The following CNTN5 variants were observed in gnomAD, a reference collection of about 807,000 sequenced individuals.
The protein encoded by CNTN5 is contactin 5.
In CNTN5, 77 loss-of-function variants were observed where a neutral mutation model predicts 129.1. That is an observed-to-expected ratio of 0.60 (90% CI 0.50 to 0.72). CNTN5 has a LOEUF of 0.72. Ranked by LOEUF, CNTN5 falls within the 30% of genes least tolerant of loss-of-function variation. The pLI, the probability that CNTN5 is intolerant of heterozygous loss-of-function variation, is 0.00. For synonymous variants in CNTN5, 509 were observed against 465.6 expected (o/e 1.09, Z -1.20); for missense variants, 1,478 against 1,328.8 (o/e 1.11, Z -1.75).
intron 9 of CNTN5, among the ~76,000 whole-genome samples, chr11:100,021,806 T>C (rs1941166589): frequency 6.6e-6 from 1 of 152,136 alleles, no homozygotes; most frequent in African/African-American, 2.4e-5. Context: ...AAGCTGACAG[T>C]GCAGCCTTTA....
At chr11:100,337,988 T>C (rs1164916071) in intron 21 of CNTN5, among the ~76,000 whole-genome samples, 1 of 152,232 alleles carries the variant, frequency 6.6e-6, no homozygotes, top group Non-Finnish European at 1.5e-5. Context: ...TCGTGAAACC[T>C]TGCCCCTTCT....
At chr11:100,016,642 C>G (rs572469996) in intron 9 of CNTN5, among the ~76,000 whole-genome samples, 7 of 151,646 alleles carry the variant, frequency 4.6e-5, no homozygotes, top group Admixed American at 1.3e-4. Context: ...ATGGTAGAGC[C>G]GTATGTACAT....
intron 2 of CNTN5, among the ~76,000 whole-genome samples, chr11:99,352,556 CT>C (rs1308228537): frequency 1.3e-5 from 2 of 152,170 alleles, no homozygotes; most frequent in Non-Finnish European, 1.5e-5. Flanking sequence ...TTTGGAGCCC[CT>C]ATTCCTAAAG....
intron 9 of CNTN5, among the ~76,000 whole-genome samples, chr11:100,007,606 C>T (rs1351680688): frequency 6.6e-6 from 1 of 152,076 alleles, no homozygotes; most frequent in Admixed American, 6.6e-5. Context: ...CCTCTGTCAG[C>T]CTTCATAGAA....
intron 15 of CNTN5, among the ~76,000 whole-genome samples, chr11:100,199,608 C>A (rs1291287628): frequency 1.3e-5 from 2 of 151,840 alleles, no homozygotes; most frequent in African/African-American, 4.8e-5. Flanking sequence ...AAAAGTGCAC[C>A]ATATTCATTC....
chr11:99,768,126 T>G (rs2135317933), intron 3 of CNTN5, among the ~76,000 whole-genome samples: 1 of 152,220 alleles, frequency 6.6e-6, no homozygotes, highest in South Asian at 2.1e-4. Context: ...ATCTACCATC[T>G]GTCCTTGTAG....
At chr11:100,214,466 T>C (rs1464264221) in intron 15 of CNTN5, among the ~76,000 whole-genome samples, 1 of 152,204 alleles carries the variant, frequency 6.6e-6, no homozygotes, top group Non-Finnish European at 1.5e-5. Context: ...ATCAGTCTTC[T>C]TCCTGAAAAT....
intron 7 of CNTN5, among the ~76,000 whole-genome samples, chr11:99,943,043 A>G (rs1039166854): frequency 3.9e-5 from 6 of 152,150 alleles, no homozygotes; most frequent in African/African-American, 1.4e-4. Context: ...AGAATGATTT[A>G]TAAATCCAGT....
Position 99,956,798 on chromosome 11 carries a change from A to C in CNTN5, c.674-8A>C, listed in dbSNP as rs1950814000. ...GTCTTTCGTTGACCAAATTTTGTGT[A>C]TTTTCAGAGATCATCTATAGCTGGG... On this transcript the variant is annotated splice_polypyrimidine_tract_variant and splice_region_variant and intron_variant, in intron 7 of 24. Coordinates refer to ENST00000524871, the MANE Select transcript of CNTN5 (RefSeq NM_014361.4). The C allele has an allele frequency of 1.2e-6, 2 of 1,611,478 alleles. No individual in the cohort carries two copies. Among genetic ancestry groups the C allele is most frequent in the Non-Finnish European group, 8.5e-7 (1 of 1,178,484 alleles).
chr11:100,249,568 T>C (rs1289675374), intron 16 of CNTN5, among the ~76,000 whole-genome samples: 1 of 152,224 alleles, frequency 6.6e-6, no homozygotes, highest in African/African-American at 2.4e-5. Flanking sequence ...CACTGAATCA[T>C]TATAACCAAG....
chr11:100,259,156 A>G (rs1950143463), intron 17 of CNTN5, among the ~76,000 whole-genome samples: 1 of 152,208 alleles, frequency 6.6e-6, no homozygotes, highest in African/African-American at 2.4e-5. Context: ...CTAGTCTCTG[A>G]TAAGACAGAC....
chr11:99,608,060 C>G (rs1283449640), intron 3 of CNTN5, among the ~76,000 whole-genome samples: 1 of 141,562 alleles, frequency 7.1e-6, no homozygotes, highest in African/African-American at 2.7e-5. Context: ...TGTAACTAAC[C>G]TGCACAATGT....
intron 16 of CNTN5, among the ~76,000 whole-genome samples, chr11:100,255,256 C>T (rs1430459203): frequency 6.6e-6 from 1 of 152,188 alleles, no homozygotes; most frequent in Non-Finnish European, 1.5e-5. Flanking sequence ...TGCACCTCCC[C>T]TGTTAGAGTC....
chr11:99,092,941 C>G (rs1325850917), intron 1 of CNTN5, among the ~76,000 whole-genome samples: 2 of 151,950 alleles, frequency 1.3e-5, no homozygotes, highest in Non-Finnish European at 1.5e-5. Context: ...GTTTAAGAAA[C>G]TAAATGCCAA....
rs1190699425 is a variant in CNTN5, at chr11:100,289,825, T to C, written c.2315-7800T>C. ...GGAAAAGAGGAAGTCAAATTGTCCC[T>C]GTTTGCAGATGACATGATTGTATAT... On this transcript the variant is annotated intron_variant, in intron 18 of 24. Coordinates refer to ENST00000524871, the MANE Select transcript of CNTN5 (RefSeq NM_014361.4). Among the ~76,000 whole-genome samples, 8 of 150,338 alleles carry C rather than the reference T, an allele frequency of 5.3e-5. No homozygotes were observed. The South Asian group carries it at 1.5e-3, about 28-fold the overall frequency.
intron 1 of CNTN5, among the ~76,000 whole-genome samples, chr11:99,299,743 T>G (rs1864544400): frequency 6.6e-6 from 1 of 152,200 alleles, no homozygotes; most frequent in Non-Finnish European, 1.5e-5. Flanking sequence ...TTTTTATGGC[T>G]GCATAGTATT....
At chr11:99,675,472 C>T (rs935534168) in intron 3 of CNTN5, among the ~76,000 whole-genome samples, 4 of 152,012 alleles carry the variant, frequency 2.6e-5, no homozygotes, top group South Asian at 4.1e-4. Context: ...TGCCTGAGCT[C>T]GGCAGTTCGA....
At chr11:100,262,269 A>T (rs1591448907) in intron 17 of CNTN5, among the ~76,000 whole-genome samples, 1 of 152,244 alleles carries the variant, frequency 6.6e-6, no homozygotes, top group Admixed American at 6.5e-5. Context: ...TAGAATGGCG[A>T]TCATTAAAAG....
At chr11:99,124,437 A>G (rs1285117571) in intron 1 of CNTN5, among the ~76,000 whole-genome samples, 1 of 151,962 alleles carries the variant, frequency 6.6e-6, no homozygotes, top group Non-Finnish European at 1.5e-5. Flanking sequence ...TGCAGAGACT[A>G]TGGGGTTTCT....
Sources: gnomAD v4.1 joint callset for allele counts (sites outside exome capture counted in the v4.1 genomes callset) on GRCh38, gnomAD v4.1.1 for gene constraint, MANE v1.5 for transcripts, NCBI Gene and HGNC (gene_info 2026-07-23, HGNC 2026-07-21) for gene names.